Variants in NCAM2 observed in about 807,000 individuals in gnomAD.
NCAM2 encodes neural cell adhesion molecule 2.
NCAM2 carries 30 observed loss-of-function variants against 98.1 expected under a neutral mutation model. The observed-to-expected ratio is 0.31, with a 90% CI of 0.23 to 0.41. NCAM2 has a LOEUF of 0.41. Ranked by LOEUF, NCAM2 falls within the 10% of genes least tolerant of loss-of-function variation. The pLI is 1.00. For synonymous variants in NCAM2, 368 were observed against 342.4 expected, an observed-to-expected ratio of 1.07 and a Z score of -0.83; for missense variants, 867 against 1,005.8, an observed-to-expected ratio of 0.86 and a Z score of 1.87.
chr21:21,198,799 C>T (rs1411051450), intron 1 of NCAM2, among the ~76,000 whole-genome samples: 2 of 152,140 alleles, frequency 1.3e-5, no homozygotes, highest in African/African-American at 4.8e-5. Flanking sequence ...TAAAAAAGTA[C>T]TTGCTATGAG....
chr21:21,490,124 TG>T (rs1396551016), intron 15 of NCAM2, among the ~76,000 whole-genome samples: 6 of 152,084 alleles, frequency 3.9e-5, no homozygotes, highest in African/African-American at 1.4e-4. Flanking sequence ...ACATATTCCC[TG>T]GCTATTAACT....
At chr21:21,244,874 G>A (rs1022817259) in intron 1 of NCAM2, among the ~76,000 whole-genome samples, 6 of 147,658 alleles carry the variant, frequency 4.1e-5, no homozygotes, top group South Asian at 4.3e-4. Flanking sequence ...AGGACATACG[G>A]TATTACAGCA....
intron 1 of NCAM2, among the ~76,000 whole-genome samples, chr21:21,135,687 T>A (rs1301500266): frequency 6.6e-6 from 1 of 152,196 alleles, no homozygotes; most frequent in African/African-American, 2.4e-5. Context: ...CCTAACTCAC[T>A]GTTTTCTGAT....
chr21:21,338,391 C>A lies in NCAM2; in HGVS notation c.901C>A (p.Gln301Lys), dbSNP rs748192442. 4.3e-6 allele frequency: 7 copies of A among 1,609,338 alleles called. No homozygotes were observed. The highest frequency in any genetic ancestry group is 8.5e-7 in the Non-Finnish European group (1 of 1,176,566). ...AGTAATATATATATTCTTTACAGTA[C>A]AGCCTCACATAATACAGCTTAAAAA... is the stretch of plus-strand genomic sequence containing the variant. The part of the protein sequence containing the change: ...EKQAFLQVFV[Q>K]PHIIQLKNET... The change falls in exon 8 of 18, where the codon CAG becomes AAG. Residue 301 changes from glutamine to lysine, a missense_variant and splice_region_variant. Coordinates refer to ENST00000400546, the MANE Select transcript of NCAM2 (RefSeq NM_004540.5).
At chr21:21,083,926 G>A (rs1211076791) in intron 1 of NCAM2, among the ~76,000 whole-genome samples, 1 of 152,142 alleles carries the variant, frequency 6.6e-6, no homozygotes, top group Non-Finnish European at 1.5e-5. Flanking sequence ...GTATTCGTTT[G>A]TGTATATGTT....
intron 9 of NCAM2, among the ~76,000 whole-genome samples, chr21:21,393,856 T>C (rs746481782): frequency 3.3e-4 from 50 of 152,178 alleles, no homozygotes; most frequent in Admixed American, 1.2e-3. Context: ...ACAGCTACAA[T>C]ATTTTTATTC....
At position 21,542,247 on chromosome 21, in the gene NCAM2, T is replaced by G. The variant is rs1215592435; in HGVS notation, c.*4290T>G. 1 of 151,844 alleles carries G rather than the reference T, an allele frequency of 6.6e-6. No individual in the cohort carries two copies. Among genetic ancestry groups the G allele is most frequent in the African/African-American group, 2.4e-5 (1 of 41,426 alleles). The allele number at this position is 151,844 out of a possible 1,614,324, so 9.4% of individuals were successfully genotyped here. On this transcript the variant is annotated 3_prime_UTR_variant, in exon 18 of 18. Coordinates refer to ENST00000400546, the MANE Select transcript of NCAM2 (RefSeq NM_004540.5). Reference sequence around the variant, plus strand: ...CTTTTTGAAAAATTGAATTTACCCATGTAGATGCAGCTATTTACAATTATA... The same window carrying G: ...CTTTTTGAAAAATTGAATTTACCCAGGTAGATGCAGCTATTTACAATTATA...
chr21:21,529,422 A>C (rs1278529210), intron 16 of NCAM2, among the ~76,000 whole-genome samples: 1 of 152,100 alleles, frequency 6.6e-6, no homozygotes, highest in Non-Finnish European at 1.5e-5. Context: ...TTAAGTTAAA[A>C]TTATTTGCAA....
intron 1 of NCAM2, among the ~76,000 whole-genome samples, chr21:21,191,358 T>C (rs1447018673): frequency 6.6e-6 from 1 of 152,220 alleles, no homozygotes; most frequent in Non-Finnish European, 1.5e-5. Flanking sequence ...CTTAATGTTC[T>C]CAAATCCTGT....
At chr21:21,292,529 CAT>C (rs2073335851) in intron 5 of NCAM2, among the ~76,000 whole-genome samples, 1 of 151,916 alleles carries the variant, frequency 6.6e-6, no homozygotes. Context: ...ATCAAATAAA[CAT>C]AGTACAGTAT....
chr21:21,486,876 A>C (rs1374067833), intron 15 of NCAM2, among the ~76,000 whole-genome samples: 1 of 152,174 alleles, frequency 6.6e-6, no homozygotes, highest in Non-Finnish European at 1.5e-5. Flanking sequence ...TATACATTTA[A>C]AGAGTTGTTT....
intron 1 of NCAM2, among the ~76,000 whole-genome samples, chr21:21,267,454 AC>A (rs1286553070): frequency 5.3e-5 from 8 of 152,260 alleles, no homozygotes; most frequent in African/African-American, 1.9e-4. Flanking sequence ...TTGTTGTACA[AC>A]CTTACCTGGG....
chr21:21,099,289 G>A (rs2066189392), intron 1 of NCAM2, among the ~76,000 whole-genome samples: 3 of 151,818 alleles, frequency 2.0e-5, no homozygotes, highest in Admixed American at 6.6e-5. Flanking sequence ...CCTGGCTCAG[G>A]CAAGCTACAC....
intron 1 of NCAM2, among the ~76,000 whole-genome samples, chr21:21,022,775 A>C (rs1206283517): frequency 6.6e-6 from 1 of 152,122 alleles, no homozygotes; most frequent in African/African-American, 2.4e-5. Flanking sequence ...AAAACTTTAT[A>C]ATCTGTTTGC....
intron 1 of NCAM2, among the ~76,000 whole-genome samples, chr21:21,267,436 T>G (rs1350189050): frequency 1.3e-5 from 2 of 152,190 alleles, no homozygotes; most frequent in Non-Finnish European, 2.9e-5. Context: ...GCTTATAACT[T>G]CTACAGCTTG....
rs191845879 is a variant in NCAM2 at position 21,518,282 on chromosome 21, A to C, written c.2282+9227A>C. ...GATATTTTTACTTCATGAGATGATA[A>C]TTAGATAACATATTTCAGTTCAAAA... On this transcript the variant is annotated intron_variant, in intron 16 of 17. Coordinates refer to ENST00000400546, the MANE Select transcript of NCAM2 (RefSeq NM_004540.5). Among the ~76,000 whole-genome samples the C allele has an allele frequency of 1.6e-3, 239 of 152,270 alleles. 1 individual carries two copies. Among genetic ancestry groups the C allele is most frequent in the African/African-American group, 5.5e-3 (230 of 41,554 alleles).
At chr21:21,209,133 T>G (rs1269854735) in intron 1 of NCAM2, among the ~76,000 whole-genome samples, 1 of 152,182 alleles carries the variant, frequency 6.6e-6, no homozygotes, top group East Asian at 1.9e-4. Context: ...GAGATAACTT[T>G]GAGAACATCA....
intron 1 of NCAM2, among the ~76,000 whole-genome samples, chr21:21,109,457 A>G (rs372979247): frequency 1.3e-5 from 2 of 152,186 alleles, no homozygotes; most frequent in South Asian, 4.1e-4. Flanking sequence ...AAAAAAGTAA[A>G]CTTTTTTGCT....
intron 16 of NCAM2, among the ~76,000 whole-genome samples, chr21:21,530,153 A>G (rs1345812577): frequency 1.4e-5 from 2 of 142,298 alleles, no homozygotes; most frequent in East Asian, 2.0e-4. Context: ...ATTTAATTAT[A>G]TATGATTTAA....
Sources: allele counts gnomAD v4.1 joint callset (sites outside exome capture counted in the v4.1 genomes callset), GRCh38; gene constraint gnomAD v4.1.1; transcripts MANE v1.5; gene names NCBI Gene and HGNC (gene_info 2026-07-23, HGNC 2026-07-21).